The following MPP1 variants were observed in gnomAD, a reference collection of about 807,000 sequenced individuals.
MPP1 encodes the protein MAGUK p55 scaffold protein 1.
In MPP1, 6 loss-of-function variants were observed where a neutral mutation model predicts 38.2. The observed-to-expected ratio is 0.16, with a 90% confidence interval of 0.09 to 0.31. The LOEUF (loss-of-function observed/expected upper bound fraction) is 0.31, where lower values mean the gene tolerates loss of function less well. MPP1 is among the 10% of genes least tolerant of loss of function. The pLI is 1.00. For synonymous variants in MPP1, 153 were observed against 146.3 expected, an observed-to-expected ratio of 1.05 and a Z score of -0.33; for missense variants, 293 against 368.9, an observed-to-expected ratio of 0.79 and a Z score of 1.69.
intron 1 of MPP1, among the ~76,000 whole-genome samples, chrX:154,803,499 T>C (rs2072287543): frequency 8.9e-6 from 1 of 112,545 alleles, no homozygotes. Context: ...ACAGGGCCTC[T>C]TTTCAAAAAG....
chrX:154,786,055 T>C (rs1237611983), intron 6 of MPP1, 149 bp downstream of exon 6: 7 of 556,154 alleles, frequency 1.3e-5, no homozygotes, highest in Non-Finnish European at 1.9e-5. Flanking sequence ...TATCAACGCA[T>C]GGTTAACCCT....
Position 154,782,615 on chromosome X carries a change from T to C in MPP1, c.946+812A>G, listed in dbSNP as rs192121176. 6.2e-5 allele frequency: 7 copies of C among 112,578 alleles called. No homozygotes were observed. In the Admixed American group the frequency reaches 6.6e-4, roughly 11 times the overall value. The allele number at this position is 112,578 out of a possible 1,213,427, so 9.3% of individuals were successfully genotyped here. ...AGAATTAAAAAATAGTAATATGAGG[T>C]TTAGAATCTGGTTTTCTATTTTGCT... On this transcript the variant is annotated intron_variant, in intron 9 of 11. Transcript: ENST00000369534.
chrX:154,781,730 G>C lies in MPP1; in HGVS notation c.1019C>G (p.Thr340Arg). 8.3e-7 allele frequency: 1 copy of C among 1,211,187 alleles called. No homozygotes were observed. Among genetic ancestry groups the C allele is most frequent in the Non-Finnish European group, 1.1e-6 (1 of 895,044 alleles). ...GAACTCATTGGCAGAGATGTTCCTC[G>C]TCATCTCCTCCGTTGAGATAAAGTG... ...EYHFISTEEMTRNISANEFLE... is the reference protein window; with the variant it reads ...EYHFISTEEMRRNISANEFLE... Residue 340 changes from threonine (T) to arginine (R), a missense_variant, in exon 10 of 12, where the codon ACG becomes AGG. Transcript: ENST00000369534.
chrX:154,799,830 A>G, intron 1 of MPP1: 2 of 1,166,008 alleles, frequency 1.7e-6, no homozygotes, highest in Non-Finnish European at 2.3e-6. Flanking sequence ...GCCGCTCTGA[A>G]AGCCCCTTCA....
In MPP1 at chrX:154,781,162, C is replaced by T. The variant is rs2071988740; in HGVS notation, c.1224+77G>A. On this transcript the variant is annotated intron_variant, in intron 11 of 11. Transcript: ENST00000369534. ...TGTGACCTCCAGCCAGCACTCTGGC[C>T]AATGACCTGGACTGAGGTCCCAGTA... 1.1e-5 allele frequency: 10 copies of T among 926,346 alleles called. No homozygotes were observed. The Admixed American group carries it at 2.7e-4, about 25-fold the overall frequency. 76.3% of individuals were successfully genotyped at this position (926,346 alleles called of 1,213,427 possible).
In MPP1 at chrX:154,805,401, A is replaced by T; in HGVS notation, c.-28T>A. On this transcript the variant is annotated 5_prime_UTR_variant, in exon 1 of 12. Transcript: ENST00000369534. ...CGCAGAAGCTGGAACACTGGAACGCAAGACAGGGCAGCGCTGGGAATGACA... is the reference window on the plus strand; with the variant it reads ...CGCAGAAGCTGGAACACTGGAACGCTAGACAGGGCAGCGCTGGGAATGACA... The T allele has an allele frequency of 8.7e-7, 1 of 1,155,495 alleles. No homozygotes were observed. The highest frequency in any genetic ancestry group is 1.2e-6 in the Non-Finnish European group (1 of 857,206).
chrX:154,791,698 C>T, intron 3 of MPP1, 71 bp downstream of exon 3: 1 of 974,949 alleles, frequency 1.0e-6, no homozygotes, highest in Non-Finnish European at 1.5e-6. Flanking sequence ...AGCTTCATGC[C>T]CCACACCACT....
In MPP1 at chrX:154,779,078, A is replaced by G; in HGVS notation, c.*99T>C. On this transcript the variant is annotated 3_prime_UTR_variant, in exon 12 of 12. Transcript: ENST00000369534. ...TAGCTGCAGAGAGCTGGAAGCTGAC[A>G]CAAAACTAGTTGGAGCAGCCCTGTT... 1 of 830,024 alleles carries G rather than the reference A, an allele frequency of 1.2e-6. No individual in the cohort carries two copies. The highest frequency in any genetic ancestry group is 1.7e-6 in the Non-Finnish European group (1 of 587,381). The allele number at this position is 830,024 out of a possible 1,213,427, so 68.4% of individuals were successfully genotyped here.
At chrX:154,786,668 G>A (rs2072078209) in intron 5 of MPP1, among the ~76,000 whole-genome samples, 2 of 110,726 alleles carry the variant, frequency 1.8e-5, no homozygotes, top group African/African-American at 6.6e-5. Flanking sequence ...GGCCGAGGCG[G>A]GTGGAACACA....
chrX:154,786,080 G>A, intron 6 of MPP1, 124 bp downstream of exon 6: 1 of 556,367 alleles, frequency 1.8e-6, no homozygotes, highest in Non-Finnish European at 2.8e-6. Context: ...CACCCATTAT[G>A]CCAGGAAATC....
chrX:154,781,290 T>C lies in MPP1; in HGVS notation c.1173A>G (p.Ala391=). ...TGAACACAATGAAAGGCGAAAGTTC[T>C]GCTGTCCGAACAATTTTCAGGGTCT... The part of the protein sequence containing the change: ...EPQTLKIVRT[A]ELSPFIVFIA... Residue 391 remains alanine (A), a synonymous_variant, in exon 11 of 12, where the codon GCA becomes GCG. Transcript: ENST00000369534. 8.3e-7 allele frequency: 1 copy of C among 1,203,542 alleles called. No homozygotes were observed. The highest frequency in any genetic ancestry group is 1.1e-6 in the Non-Finnish European group (1 of 892,866).
chrX:154,790,160 C>G, intron 4 of MPP1, 138 bp from the exon 5 acceptor site: 1 of 431,077 alleles, frequency 2.3e-6, no homozygotes, highest in Non-Finnish European at 4.0e-6. Context: ...TCCTTTAATA[C>G]AAAAGTGTCA....
Position 154,784,222 on chromosome X carries a change from C to A in MPP1, c.785-114G>T, listed in dbSNP as rs1010307123. The A allele has an allele frequency of 1.0e-5, 6 of 576,433 alleles. No individual in the cohort carries two copies. The African/African-American group carries it at 1.4e-4, about 13-fold the overall frequency. 47.5% of individuals were successfully genotyped at this position (576,433 alleles called of 1,213,427 possible). A position where few individuals can be genotyped will look rare whatever the true frequency, so the allele number is the denominator to read the frequency against. On this transcript the variant is annotated intron_variant, in intron 7 of 11. Coordinates refer to ENST00000369534, the MANE Select transcript of MPP1 (RefSeq NM_002436.4). ...ATCTCAACAAGCAGGGAGGAAGTGA[C>A]TAGAGATGAGACGAGGGAGGTTGGT...
intron 11 of MPP1, among the ~76,000 whole-genome samples, chrX:154,780,307 T>C (rs2071976577): frequency 8.9e-6 from 1 of 112,266 alleles, no homozygotes; most frequent in Non-Finnish European, 1.9e-5. Context: ...GCAGCTGATA[T>C]TACAAAGGGC....
At chrX:154,796,116 TTCC>T (rs1569558960) in intron 1 of MPP1, among the ~76,000 whole-genome samples, 18 of 108,477 alleles carry the variant, frequency 1.7e-4, no homozygotes, top group Admixed American at 5.9e-4. Context: ...TTTGTTTTTT[TTCC>T]TTTTCTTTTC....
rs182800101 is a variant in MPP1, at chrX:154,778,835, A to G, written c.*342T>C. ...AAAAGACAAATGAAATACCCAGCATATACAGTTGAAGGCAAAGGAGGGCAG... is the reference window on the plus strand; with the variant it reads ...AAAAGACAAATGAAATACCCAGCATGTACAGTTGAAGGCAAAGGAGGGCAG... On this transcript the variant is annotated 3_prime_UTR_variant, in exon 12 of 12. Transcript: ENST00000369534. The G allele has an allele frequency of 3.5e-5, 8 of 228,950 alleles. No individual in the cohort carries two copies. In the East Asian group the frequency reaches 5.4e-4, roughly 16 times the overall value. The allele number at this position is 228,950 out of a possible 1,213,427, so 18.9% of individuals were successfully genotyped here. A position where few individuals can be genotyped will look rare whatever the true frequency, so the allele number is the denominator to read the frequency against.
At chrX:154,804,105 C>T (rs1229936370) in intron 1 of MPP1, among the ~76,000 whole-genome samples, 2 of 111,993 alleles carry the variant, frequency 1.8e-5, no homozygotes, top group East Asian at 2.8e-4. Context: ...TAAGGCAATG[C>T]GGTGCAGCAG....
At chrX:154,799,759 C>T (rs2072241226) in intron 1 of MPP1, 1 of 1,164,017 alleles carries the variant, frequency 8.6e-7, no homozygotes, top group African/African-American at 1.8e-5. Context: ...GACTCCATGT[C>T]TGGCCTTTGT....
At position 154,791,065 on chromosome X, in the gene MPP1, G is replaced by A. The variant is rs782194140; in HGVS notation, c.329C>T (p.Ser110Phe). Residue 110 changes from serine to phenylalanine, a missense_variant, in exon 4 of 12, where the codon TCC (serine) becomes TTC (phenylalanine). By Grantham distance (155) the Ser-to-Phe change is radical. Coordinates refer to ENST00000369534, the MANE Select transcript of MPP1 (RefSeq NM_002436.4). ...TAGGATCTCATCCCCCACGTGAAGG[G>A]AGCCTGCCATGAAATGAAAAATCAA... ...LHGGMIHRQGSLHVGDEILEI... is the reference protein window; with the variant it reads ...LHGGMIHRQGFLHVGDEILEI... The A allele has an allele frequency of 8.3e-7, 1 of 1,206,785 alleles. No homozygotes were observed. Among genetic ancestry groups the A allele is most frequent in the Admixed American group, 2.2e-5 (1 of 45,411 alleles).
Sources: gnomAD v4.1 joint callset for allele counts (sites outside exome capture counted in the v4.1 genomes callset) on GRCh38, gnomAD v4.1.1 for gene constraint, MANE v1.5 for transcripts, NCBI Gene and HGNC (gene_info 2026-07-23, HGNC 2026-07-21) for gene names.